MAP2: variants seen among roughly 807,000 people sequenced by gnomAD.
MAP2 encodes microtubule associated protein 2, also known as microtubule-associated protein 2.
A neutral mutation model predicts 137.6 loss-of-function variants in MAP2; 14 were observed. That is an observed-to-expected ratio of 0.10 (90% CI 0.07 to 0.16). The LOEUF (loss-of-function observed/expected upper bound fraction) is 0.16. MAP2 is among the 10% of genes least tolerant of loss of function. The pLI is 1.00. For synonymous variants in MAP2, 786 were observed against 782.3 expected (o/e 1.00, Z -0.08); for missense variants, 2,088 against 2,191.5 (o/e 0.95, Z 0.94).
chr2:209,728,655 G>A lies in MAP2; in HGVS notation c.5156-1195G>A, dbSNP rs528496838. Among the ~76,000 whole-genome samples, 22 of 152,232 alleles carry A rather than the reference G, an allele frequency of 1.4e-4. No homozygotes were observed. The South Asian group carries it at 3.3e-3, about 23-fold the overall frequency. On this transcript the variant is annotated intron_variant, in intron 14 of 15. Coordinates refer to ENST00000682079, the MANE Select transcript of MAP2 (RefSeq NM_001375505.1). Reference sequence around the variant, plus strand: ...AAGCCTTAACAAACCTTCCTCTTTCGTCTACAGAGATACATGAGCAACAAG... The same window carrying A: ...AAGCCTTAACAAACCTTCCTCTTTCATCTACAGAGATACATGAGCAACAAG...
intron 1 of MAP2, among the ~76,000 whole-genome samples, chr2:209,455,724 G>A (rs1259701047): frequency 6.6e-6 from 1 of 152,124 alleles, no homozygotes; most frequent in African/African-American, 2.4e-5. Context: ...GTTTTAAAAA[G>A]CCACCTTGTA....
intron 7 of MAP2, among the ~76,000 whole-genome samples, chr2:209,689,882 T>G (rs2058336215): frequency 6.6e-6 from 1 of 152,194 alleles, no homozygotes; most frequent in South Asian, 2.1e-4. Flanking sequence ...TTTAACACAT[T>G]TTATTTTACT....
chr2:209,682,633 G>A (rs1303126020), intron 7 of MAP2, among the ~76,000 whole-genome samples: 5 of 152,090 alleles, frequency 3.3e-5, no homozygotes, highest in Non-Finnish European at 7.3e-5. Flanking sequence ...TGATTTTATT[G>A]GGTGGTGAGG....
chr2:209,425,976 A>G (rs1033479822), intron 1 of MAP2, among the ~76,000 whole-genome samples: 12 of 152,350 alleles, frequency 7.9e-5, no homozygotes, highest in African/African-American at 2.9e-4. Context: ...CCCCATGCAC[A>G]CAAAGAACCC....
intron 5 of MAP2, among the ~76,000 whole-genome samples, chr2:209,664,724 A>G (rs13422521): frequency 0.19 from 28,677 of 151,936 alleles, 3,894 homozygotes; most frequent in African/African-American, 0.38. Flanking sequence ...TTGGAAGGCC[A>G]AGGCAGGCAG....
At chr2:209,471,689 A>G (rs1410643522) in intron 1 of MAP2, among the ~76,000 whole-genome samples, 2 of 144,282 alleles carry the variant, frequency 1.4e-5, no homozygotes, top group African/African-American at 2.6e-5. Context: ...AACGTGTTCT[A>G]CAAATACTTT....
intron 2 of MAP2, among the ~76,000 whole-genome samples, chr2:209,576,282 C>A (rs1002387951): frequency 6.6e-6 from 1 of 152,022 alleles, no homozygotes; most frequent in African/African-American, 2.4e-5. Context: ...CTTGCTCTGT[C>A]GCCCAGGCTG....
intron 1 of MAP2, among the ~76,000 whole-genome samples, chr2:209,507,189 A>T (rs1432212204): frequency 1.3e-5 from 2 of 152,132 alleles, no homozygotes; most frequent in Non-Finnish European, 2.9e-5. Context: ...ACTAGCATTC[A>T]GTCTATGGCA....
chr2:209,544,145 A>G (rs1426206839), intron 2 of MAP2, among the ~76,000 whole-genome samples: 1 of 151,934 alleles, frequency 6.6e-6, no homozygotes, highest in Admixed American at 6.6e-5. Flanking sequence ...AGGCAGGAGA[A>G]TGGCGTGAAC....
At chr2:209,644,116 C>T (rs2094232334) in intron 4 of MAP2, among the ~76,000 whole-genome samples, 2 of 152,122 alleles carry the variant, frequency 1.3e-5, no homozygotes, top group African/African-American at 4.8e-5. Flanking sequence ...ATTTGTTAAA[C>T]CTGTGTTGGA....
At chr2:209,609,332 A>G (rs928586082) in intron 3 of MAP2, among the ~76,000 whole-genome samples, 5 of 152,136 alleles carry the variant, frequency 3.3e-5, no homozygotes, top group African/African-American at 1.2e-4. Flanking sequence ...TTTGAAAATA[A>G]TAGCTATATT....
chr2:209,697,054 G>A lies in MAP2; in HGVS notation c.4522+3G>A, dbSNP rs1395419814. 1 of 1,590,208 alleles carries A rather than the reference G, an allele frequency of 6.3e-7. No homozygotes were observed. The highest frequency in any genetic ancestry group is 8.5e-7 in the Non-Finnish European group (1 of 1,173,862). On this transcript the variant is annotated splice_donor_region_variant and intron_variant, in intron 10 of 15. Transcript: ENST00000682079. Reference sequence around the variant, plus strand: ...CTGTGTTAAGCGGAAAACCACAGGTGACTGTTCAATTCTGCAATGTGACTG... The same window carrying A: ...CTGTGTTAAGCGGAAAACCACAGGTAACTGTTCAATTCTGCAATGTGACTG...
Position 209,472,576 on chromosome 2 carries a change from A to G in MAP2, c.-221-35016A>G, listed in dbSNP as rs550778887. Among the ~76,000 whole-genome samples the G allele has an allele frequency of 1.6e-3, 240 of 152,300 alleles. 2 individuals carry two copies. Among genetic ancestry groups the G allele is most frequent in the African/African-American group, 5.5e-3 (228 of 41,568 alleles). On this transcript the variant is annotated intron_variant, in intron 1 of 15. Transcript: ENST00000682079. Reference sequence around the variant, plus strand: ...AGAAGATTGAAGAGCACAATTCATCAAAGTACTGACAAAGGCTTGAGTGTT... The same window carrying G: ...AGAAGATTGAAGAGCACAATTCATCGAAGTACTGACAAAGGCTTGAGTGTT...
intron 2 of MAP2, among the ~76,000 whole-genome samples, chr2:209,549,884 T>C (rs974342677): frequency 6.6e-6 from 1 of 152,212 alleles, no homozygotes; most frequent in Non-Finnish European, 1.5e-5. Flanking sequence ...ACTTAGCTTC[T>C]CTTTCTCACC....
intron 5 of MAP2, among the ~76,000 whole-genome samples, chr2:209,673,450 C>T (rs1049318284): frequency 2.0e-5 from 3 of 151,670 alleles, no homozygotes; most frequent in Non-Finnish European, 4.4e-5. Flanking sequence ...TACATCAAAA[C>T]CCTGACATTC....
At chr2:209,658,028 A>G (rs1016441257) in intron 5 of MAP2, among the ~76,000 whole-genome samples, 2 of 152,182 alleles carry the variant, frequency 1.3e-5, no homozygotes, top group Admixed American at 6.5e-5. Context: ...AGAGGAATGC[A>G]TTTTGGTCCC....
chr2:209,511,316 A>G (rs983146200), intron 2 of MAP2, among the ~76,000 whole-genome samples: 21 of 152,078 alleles, frequency 1.4e-4, no homozygotes, highest in African/African-American at 5.1e-4. Flanking sequence ...TACTTAGCAT[A>G]TATATTCCAT....
At chr2:209,723,791 T>G in intron 13 of MAP2, 2 of 744,768 alleles carry the variant, frequency 2.7e-6, no homozygotes, top group South Asian at 3.2e-5. Context: ...ACTGCTCCTT[T>G]CTCACTGCTG....
At chr2:209,542,685 T>C (rs758974087) in intron 2 of MAP2, among the ~76,000 whole-genome samples, 6 of 152,270 alleles carry the variant, frequency 3.9e-5, no homozygotes, top group Non-Finnish European at 2.9e-5. Context: ...TTTTATGTTA[T>C]GAAGATGGCT....
Sources: allele counts gnomAD v4.1 joint callset (sites outside exome capture counted in the v4.1 genomes callset), GRCh38; gene constraint gnomAD v4.1.1; transcripts MANE v1.5; gene names NCBI Gene and HGNC (gene_info 2026-07-23, HGNC 2026-07-21).